The following SRGAP3 variants were observed in gnomAD, a reference collection of about 807,000 sequenced individuals.
SRGAP3 encodes SLIT-ROBO Rho GTPase-activating protein 3.
SRGAP3 carries 39 observed loss-of-function variants against 121.1 expected under a neutral mutation model. That is an observed-to-expected ratio of 0.32 (90% CI 0.25 to 0.42). The LOEUF is 0.42. SRGAP3 is among the 10% of genes least tolerant of loss of function. The pLI, the probability that SRGAP3 is intolerant of heterozygous loss-of-function variation, is 1.00. For synonymous variants in SRGAP3, 601 were observed against 570.0 expected, an observed-to-expected ratio of 1.05 and a Z score of -0.77; for missense variants, 1,213 against 1,470.6, an observed-to-expected ratio of 0.82 and a Z score of 2.86.
At chr3:9,180,724 T>C (rs1951362469) in intron 1 of SRGAP3, among the ~76,000 whole-genome samples, 1 of 152,204 alleles carries the variant, frequency 6.6e-6, no homozygotes. Flanking sequence ...GCCAGGGCAA[T>C]TCCCAGAGAG....
chr3:9,188,406 G>A (rs1372105542), intron 1 of SRGAP3, among the ~76,000 whole-genome samples: 1 of 152,212 alleles, frequency 6.6e-6, no homozygotes, highest in Admixed American at 6.5e-5. Context: ...GACCTAGAGA[G>A]AAGGGCATGA....
chr3:9,287,987 T>C (rs1954804611), intron 3 of SRGAP3, among the ~76,000 whole-genome samples: 1 of 152,156 alleles, frequency 6.6e-6, no homozygotes, highest in East Asian at 1.9e-4. Flanking sequence ...TATGGACAGG[T>C]ATCTTTCACC....
intron 18 of SRGAP3, among the ~76,000 whole-genome samples, chr3:9,000,576 G>A (rs1319646190): frequency 6.6e-6 from 1 of 152,192 alleles, no homozygotes; most frequent in African/African-American, 2.4e-5. Flanking sequence ...GGACTCTCAA[G>A]AACAGTGGAG....
chr3:9,082,333 T>C (rs751207234), intron 3 of SRGAP3, among the ~76,000 whole-genome samples: 38 of 152,300 alleles, frequency 2.5e-4, no homozygotes, highest in Non-Finnish European at 4.3e-4. Flanking sequence ...TTTACAGCAA[T>C]GTAAGAACAG....
chr3:9,242,077 CAAAA>C (rs142186507), intron 1 of SRGAP3, among the ~76,000 whole-genome samples: 9 of 68,516 alleles, frequency 1.3e-4, no homozygotes, highest in Admixed American at 8.2e-4. Flanking sequence ...CACCCTAATT[CAAAA>C]AAAAAAAAAA....
At chr3:9,005,861 G>T (rs60401347) in intron 18 of SRGAP3, among the ~76,000 whole-genome samples, 2,906 of 152,174 alleles carry the variant, frequency 0.019, 86 homozygotes, top group African/African-American at 0.067. Flanking sequence ...CATGGTGATG[G>T]TTGCACATAT....
intron 3 of SRGAP3, among the ~76,000 whole-genome samples, chr3:9,323,190 A>C (rs529634480): frequency 3.3e-5 from 5 of 152,024 alleles, no homozygotes; most frequent in African/African-American, 1.2e-4. Flanking sequence ...GGTGCTGACT[A>C]TAAAGGGACA....
intron 3 of SRGAP3, among the ~76,000 whole-genome samples, chr3:9,103,522 TAC>T (rs1194375867): frequency 6.6e-6 from 1 of 152,160 alleles, no homozygotes; most frequent in Non-Finnish European, 1.5e-5. Context: ...AGCCCGAAGA[TAC>T]ACAGCTAATA....
chr3:9,084,967 C>T (rs577737987), intron 3 of SRGAP3, among the ~76,000 whole-genome samples: 1 of 152,296 alleles, frequency 6.6e-6, no homozygotes, highest in East Asian at 1.9e-4. Flanking sequence ...GGTTTGGAGG[C>T]AGGGCTTTCA....
At chr3:9,265,303 C>T (rs1954335809) in intron 3 of SRGAP3, among the ~76,000 whole-genome samples, 1 of 152,148 alleles carries the variant, frequency 6.6e-6, no homozygotes, top group South Asian at 2.1e-4. Flanking sequence ...CTATTCAGGA[C>T]ATAGGCATGG....
At position 9,338,875 on chromosome 3, in the gene SRGAP3, G is replaced by C. The variant is rs565669119; in HGVS notation, n.215-8279C>G. Among the ~76,000 whole-genome samples, 12 of 152,304 alleles carry C rather than the reference G, an allele frequency of 7.9e-5. No individual in the cohort carries two copies. The South Asian group carries it at 2.5e-3, about 32-fold the overall frequency. The stretch of plus-strand genomic sequence containing the variant: ...CCAATGGCACGTACCCTCTACTGCA[G>C]AGCCTCAATATTATACAATCCCAAA... On this transcript the variant is annotated intron_variant and non_coding_transcript_variant, in intron 1 of 3. Transcript: ENST00000490889.
chr3:9,077,931 G>A (rs1392139778), intron 4 of SRGAP3, among the ~76,000 whole-genome samples: 1 of 152,210 alleles, frequency 6.6e-6, no homozygotes, highest in Non-Finnish European at 1.5e-5. Flanking sequence ...TGGAGCCTTT[G>A]GGCCTTTCAT....
At chr3:9,213,543 C>A (rs1952515672) in intron 1 of SRGAP3, among the ~76,000 whole-genome samples, 1 of 152,232 alleles carries the variant, frequency 6.6e-6, no homozygotes, top group African/African-American at 2.4e-5. Flanking sequence ...GGCATCTTCC[C>A]TTGCTTAGGC....
chr3:9,144,381 C>T (rs986495756), intron 1 of SRGAP3, among the ~76,000 whole-genome samples: 7 of 152,330 alleles, frequency 4.6e-5, no homozygotes, highest in East Asian at 3.9e-4. Context: ...TGCCTCAGGG[C>T]CTTTGTACTG....
At chr3:9,331,187 A>G (rs1232378429) in intron 1 of SRGAP3, among the ~76,000 whole-genome samples, 1 of 152,264 alleles carries the variant, frequency 6.6e-6, no homozygotes, top group Non-Finnish European at 1.5e-5. Context: ...CAAATAGCTA[A>G]GAATTTAAAA....
intron 18 of SRGAP3, among the ~76,000 whole-genome samples, chr3:9,001,525 A>G (rs1942769702): frequency 6.6e-6 from 1 of 152,250 alleles, no homozygotes; most frequent in Non-Finnish European, 1.5e-5. Context: ...AGAGGAACAA[A>G]AAAGATATGA....
chr3:9,215,619 G>A (rs1952591647), intron 1 of SRGAP3, among the ~76,000 whole-genome samples: 1 of 152,244 alleles, frequency 6.6e-6, no homozygotes. Context: ...ACCCAGTAAG[G>A]AAGATCACTC....
At chr3:9,001,158 G>A (rs888582957) in intron 18 of SRGAP3, among the ~76,000 whole-genome samples, 4 of 152,174 alleles carry the variant, frequency 2.6e-5, no homozygotes, top group Admixed American at 2.6e-4. Flanking sequence ...ATAAGTTCTG[G>A]TGTTCTATTT....
chr3:9,118,937 TG>T (rs2124960997), intron 2 of SRGAP3, among the ~76,000 whole-genome samples: 1 of 152,330 alleles, frequency 6.6e-6, no homozygotes, highest in South Asian at 2.1e-4. Flanking sequence ...CCCCTTTCCC[TG>T]TCCTCCCTAT....
Sources: gnomAD v4.1 joint callset for allele counts (sites outside exome capture counted in the v4.1 genomes callset) on GRCh38, gnomAD v4.1.1 for gene constraint, MANE v1.5 for transcripts, NCBI Gene and HGNC (gene_info 2026-07-23, HGNC 2026-07-21) for gene names.